TLE4: variants seen among roughly 807,000 people sequenced by gnomAD.
The protein encoded by TLE4 is transducin-like enhancer protein 4.
TLE4 carries 8 observed loss-of-function variants against 92.8 expected under a neutral mutation model. The ratio of observed to expected loss-of-function variants is 0.09; its 90% confidence interval spans 0.05 to 0.16. The LOEUF is 0.16. Among genes scored for constraint, TLE4 ranks in the 10% least tolerant of loss-of-function variants. The probability of loss-of-function intolerance (pLI) is 1.00; values close to 1 mark genes in which losing one functional copy is unlikely to be tolerated. For synonymous variants in TLE4, 371 were observed against 374.1 expected, an observed-to-expected ratio of 0.99 and a Z score of 0.10; for missense variants, 675 against 997.6, an observed-to-expected ratio of 0.68 and a Z score of 4.36.
intron 8 of TLE4, among the ~76,000 whole-genome samples, chr9:79,686,383 G>A (rs529166317): frequency 1.4e-4 from 22 of 152,200 alleles, no homozygotes; most frequent in Admixed American, 1.3e-3. Flanking sequence ...TTCTCTTCGG[G>A]GTTGAATTGT....
intron 8 of TLE4, among the ~76,000 whole-genome samples, chr9:79,702,169 T>C (rs2070118641): frequency 6.6e-6 from 1 of 152,194 alleles, no homozygotes; most frequent in Admixed American, 6.5e-5. Flanking sequence ...TGATGTAGGA[T>C]ACAAGGCCAG....
intron 14 of TLE4, among the ~76,000 whole-genome samples, chr9:79,712,633 ATGTTCCAAATTAATAAAATGG>A (rs1287665026): frequency 6.6e-6 from 1 of 152,258 alleles, no homozygotes; most frequent in Non-Finnish European, 1.5e-5. Flanking sequence ...AATTAAATGC[ATGTTCCAAATTAATAAAATGG>A]TGTTTATTGT....
At chr9:79,670,523 C>G (rs1395269357) in intron 8 of TLE4, among the ~76,000 whole-genome samples, 1 of 152,180 alleles carries the variant, frequency 6.6e-6, no homozygotes, top group Non-Finnish European at 1.5e-5. Context: ...ACTGCTCAAG[C>G]AGGTATTCAT....
In TLE4 at chr9:79,718,790, T is replaced by C; in HGVS notation, c.1409T>C (p.Ile470Thr). The change falls in exon 15 of 20, where the codon ATC (isoleucine) becomes ACC (threonine). Residue 470 changes from isoleucine to threonine, a missense_variant. Physicochemically the swap from Ile to Thr is moderately conservative, Grantham distance 89 (BLOSUM62 -1). This residue lies in a region of TLE4 where 119 missense variants were observed against 175.9 expected (regional missense o/e 0.68). Coordinates refer to ENST00000376552, the MANE Select transcript of TLE4 (RefSeq NM_007005.6). ...GTCCCTTTTCCACCCGACGCCCTCA[T>C]CGGACCTGGAATCCCCCGGCATGCT... ...QPVPFPPDAL[I>T]GPGIPRHARQ... is the part of the protein sequence containing the mutation. 6.2e-7 allele frequency: 1 copy of C among 1,614,120 alleles called. No homozygotes were observed. Among genetic ancestry groups the C allele is most frequent in the Non-Finnish European group, 8.5e-7 (1 of 1,180,024 alleles).
intron 19 of TLE4, among the ~76,000 whole-genome samples, chr9:79,724,664 T>C (rs1240190669): frequency 6.6e-6 from 1 of 151,736 alleles, no homozygotes; most frequent in Admixed American, 6.6e-5. Flanking sequence ...GGCAACTTAG[T>C]GAGACCCTCT....
At chr9:79,696,154 A>C (rs1310150529) in intron 8 of TLE4, among the ~76,000 whole-genome samples, 1 of 152,252 alleles carries the variant, frequency 6.6e-6, no homozygotes, top group African/African-American at 2.4e-5. Flanking sequence ...AGTACTAAAA[A>C]AAATGTAAAA....
At chr9:79,721,694 TA>T in intron 16 of TLE4, 46 bp from the exon 17 acceptor site, 1 of 1,612,268 alleles carries the variant, frequency 6.2e-7, no homozygotes, top group Non-Finnish European at 8.5e-7. Flanking sequence ...TGATTTTAAC[TA>T]AAAGCTAACT....
intron 8 of TLE4, chr9:79,671,182 A>G (rs1432209108): frequency 4.5e-6 from 2 of 448,454 alleles, no homozygotes; most frequent in African/African-American, 2.0e-5. Context: ...ACCTTGGCTG[A>G]GAATGTGACT....
chr9:79,670,826 A>G (rs1232948806), intron 8 of TLE4, among the ~76,000 whole-genome samples: 2 of 151,648 alleles, frequency 1.3e-5, no homozygotes, highest in Non-Finnish European at 2.9e-5. Flanking sequence ...CTATCTGTGT[A>G]ACATGGGAGT....
intron 8 of TLE4, among the ~76,000 whole-genome samples, chr9:79,702,843 G>T: frequency 6.6e-6 from 1 of 152,190 alleles, no homozygotes; most frequent in Middle Eastern, 3.4e-3. Flanking sequence ...ATCACCACAG[G>T]TATGAAGAAA....
chr9:79,631,810 C>A (rs2054335927), intron 6 of TLE4, among the ~76,000 whole-genome samples: 1 of 151,426 alleles, frequency 6.6e-6, no homozygotes, highest in Non-Finnish European at 1.5e-5. Flanking sequence ...TCCTTGTATT[C>A]TTTTTAAACA....
intron 8 of TLE4, chr9:79,671,494 C>T: frequency 3.4e-6 from 1 of 294,238 alleles, no homozygotes; most frequent in Non-Finnish European, 7.1e-6. Flanking sequence ...CATAACAATT[C>T]TGGCATTCCT....
intron 6 of TLE4, among the ~76,000 whole-genome samples, chr9:79,639,154 G>C (rs1219574898): frequency 6.6e-6 from 1 of 152,090 alleles, no homozygotes; most frequent in Non-Finnish European, 1.5e-5. Flanking sequence ...GGGAGGGGAT[G>C]GGATTTGAGG....
intron 8 of TLE4, among the ~76,000 whole-genome samples, chr9:79,695,165 G>C (rs2067954992): frequency 6.6e-6 from 1 of 152,128 alleles, no homozygotes; most frequent in African/African-American, 2.4e-5. Flanking sequence ...CAGTGGCCAG[G>C]ACTGGGCACT....
chr9:79,581,566 A>G (rs921784450), intron 4 of TLE4, among the ~76,000 whole-genome samples: 15 of 152,198 alleles, frequency 9.9e-5, no homozygotes, highest in African/African-American at 3.4e-4. Flanking sequence ...TGCGCTTACC[A>G]CTGGTCTGGG....
At chr9:79,610,862 G>C (rs1038668036) in intron 4 of TLE4, among the ~76,000 whole-genome samples, 1 of 151,872 alleles carries the variant, frequency 6.6e-6, no homozygotes, top group East Asian at 1.9e-4. Flanking sequence ...TTATGTAGGC[G>C]AACTAAAGAA....
intron 4 of TLE4, among the ~76,000 whole-genome samples, chr9:79,600,715 G>A (rs73652219): frequency 0.018 from 2,809 of 152,208 alleles, 26 homozygotes; most frequent in African/African-American, 0.027. Context: ...CTCTCTAGGG[G>A]TCCTCATGCT....
intron 8 of TLE4, among the ~76,000 whole-genome samples, chr9:79,689,914 C>T (rs2066704350): frequency 6.6e-6 from 1 of 152,278 alleles, no homozygotes; most frequent in African/African-American, 2.4e-5. Context: ...TAAGCCTACC[C>T]TCTCTGGACA....
chr9:79,632,429 TC>T (rs2054539869), intron 6 of TLE4, among the ~76,000 whole-genome samples: 2 of 152,304 alleles, frequency 1.3e-5, no homozygotes, highest in South Asian at 4.1e-4. Flanking sequence ...TGTTCTGTGA[TC>T]ATTTCAAAAT....
Sources: gnomAD v4.1 joint callset for allele counts (sites outside exome capture counted in the v4.1 genomes callset) on GRCh38, gnomAD v4.1.1 for gene constraint, gnomAD v4.1.1 regional missense constraint, MANE v1.5 for transcripts, NCBI Gene and HGNC (gene_info 2026-07-23, HGNC 2026-07-21) for gene names.